Variants in MTUS2 observed in about 807,000 individuals in gnomAD.
The protein encoded by MTUS2 is microtubule associated scaffold protein 2.
A neutral mutation model predicts 114.1 loss-of-function variants in MTUS2; 40 were observed. The observed-to-expected ratio is 0.35, with a 90% CI of 0.27 to 0.46. MTUS2 has a LOEUF of 0.46. Ranked by LOEUF, MTUS2 falls within the 20% of genes least tolerant of loss-of-function variation. MTUS2 has a pLI of 1.00. For synonymous variants in MTUS2, 688 were observed against 672.0 expected, an observed-to-expected ratio of 1.02 and a Z score of -0.37; for missense variants, 1,679 against 1,705.4, an observed-to-expected ratio of 0.98 and a Z score of 0.27.
chr13:28,985,332 C>T (rs976877799), intron 2 of MTUS2, among the ~76,000 whole-genome samples: 1 of 152,154 alleles, frequency 6.6e-6, no homozygotes, highest in Non-Finnish European at 1.5e-5. Flanking sequence ...CAAAAATCCA[C>T]CACAGTGTCA....
intron 5 of MTUS2, among the ~76,000 whole-genome samples, chr13:29,169,739 A>G (rs1232502818): frequency 5.3e-5 from 8 of 151,918 alleles, no homozygotes; most frequent in Non-Finnish European, 1.0e-4. Flanking sequence ...GCGCTTAAGG[A>G]TTTTTCCAGC....
chr13:29,334,817 G>A (rs1900969354), intron 7 of MTUS2, among the ~76,000 whole-genome samples: 1 of 152,166 alleles, frequency 6.6e-6, no homozygotes, highest in South Asian at 2.1e-4. Context: ...CATAAATTGT[G>A]AAGATTTCGT....
At chr13:29,222,247 T>G (rs1333216371) in intron 5 of MTUS2, among the ~76,000 whole-genome samples, 1 of 152,198 alleles carries the variant, frequency 6.6e-6, no homozygotes, top group East Asian at 1.9e-4. Context: ...GAGCTCTCTA[T>G]TCTATTGTAG....
At chr13:29,293,053 G>C (rs996383595) in intron 6 of MTUS2, among the ~76,000 whole-genome samples, 1 of 152,046 alleles carries the variant, frequency 6.6e-6, no homozygotes, top group African/African-American at 2.4e-5. Context: ...AAAATGTGGG[G>C]ATATGGAAAG....
chr13:29,265,857 A>G (rs905689723), intron 5 of MTUS2, among the ~76,000 whole-genome samples: 1 of 152,188 alleles, frequency 6.6e-6, no homozygotes, highest in Admixed American at 6.5e-5. Context: ...CCACCTCCAC[A>G]CTGGGGATTA....
At chr13:29,187,749 C>A (rs1485310777) in intron 5 of MTUS2, among the ~76,000 whole-genome samples, 1 of 152,136 alleles carries the variant, frequency 6.6e-6, no homozygotes, top group Non-Finnish European at 1.5e-5. Flanking sequence ...TTCAGCCAAG[C>A]CTGCTTATCC....
intron 5 of MTUS2, among the ~76,000 whole-genome samples, chr13:29,207,711 G>A (rs1895248746): frequency 6.6e-6 from 1 of 152,054 alleles, no homozygotes; most frequent in African/African-American, 2.4e-5. Context: ...TTCTGTTTAT[G>A]TGGTGTATCA....
At chr13:28,928,903 G>A (rs1242066295) in intron 2 of MTUS2, among the ~76,000 whole-genome samples, 2 of 152,194 alleles carry the variant, frequency 1.3e-5, no homozygotes, top group Non-Finnish European at 2.9e-5. Context: ...CCACAGATAT[G>A]TGTGCGTATG....
chr13:29,279,996 A>G (rs1002456902), intron 5 of MTUS2, among the ~76,000 whole-genome samples: 3 of 152,256 alleles, frequency 2.0e-5, no homozygotes, highest in Admixed American at 6.5e-5. Context: ...TTCTGGCAGT[A>G]TGTCAGCAGG....
At chr13:29,021,957 TGGAGAA>T (rs1450442972) in intron 2 of MTUS2, among the ~76,000 whole-genome samples, 2 of 151,820 alleles carry the variant, frequency 1.3e-5, no homozygotes, top group Admixed American at 1.3e-4. Context: ...TGGTAGAAGA[TGGAGAA>T]GGAGAAAAAG....
intron 6 of MTUS2, among the ~76,000 whole-genome samples, chr13:29,302,993 A>G (rs1157962510): frequency 2.6e-5 from 4 of 152,188 alleles, no homozygotes; most frequent in Non-Finnish European, 5.9e-5. Flanking sequence ...ACTGGTGATA[A>G]CCACATATGG....
At chr13:29,311,044 T>C (rs1293375747) in intron 6 of MTUS2, among the ~76,000 whole-genome samples, 2 of 152,232 alleles carry the variant, frequency 1.3e-5, no homozygotes, top group African/African-American at 4.8e-5. Context: ...TCATTATTTG[T>C]CAATGCAAAT....
chr13:29,178,706 A>G (rs1382219182), intron 5 of MTUS2, among the ~76,000 whole-genome samples: 5 of 152,142 alleles, frequency 3.3e-5, no homozygotes, highest in African/African-American at 4.8e-5. Context: ...TTTTTTCTCA[A>G]TAGAAATGTA....
At chr13:29,383,348 A>G (rs1872385788) in intron 8 of MTUS2, among the ~76,000 whole-genome samples, 1 of 151,872 alleles carries the variant, frequency 6.6e-6, no homozygotes, top group Non-Finnish European at 1.5e-5. Flanking sequence ...TACTAAAGGA[A>G]AAGGAAACAT....
At chr13:28,973,577 A>G (rs932707183) in intron 2 of MTUS2, among the ~76,000 whole-genome samples, 5 of 152,090 alleles carry the variant, frequency 3.3e-5, no homozygotes, top group African/African-American at 1.2e-4. Context: ...GCTCCCTCCT[A>G]TTTTACCACA....
chr13:28,849,932 C>T (rs560590569), intron 2 of MTUS2, among the ~76,000 whole-genome samples: 2 of 152,070 alleles, frequency 1.3e-5, no homozygotes, highest in South Asian at 2.1e-4. Flanking sequence ...CCTCTCTTAC[C>T]CCCTCCAAAT....
chr13:28,878,746 G>A (rs1878113479), intron 2 of MTUS2, among the ~76,000 whole-genome samples: 1 of 152,170 alleles, frequency 6.6e-6, no homozygotes, highest in Non-Finnish European at 1.5e-5. Flanking sequence ...GGGCATTTGG[G>A]TTGATTCCAG....
intron 5 of MTUS2, among the ~76,000 whole-genome samples, chr13:29,159,987 C>G (rs1195169230): frequency 6.6e-6 from 1 of 152,200 alleles, no homozygotes; most frequent in African/African-American, 2.4e-5. Context: ...TGATTGTATT[C>G]CCAGGCATTT....
chr13:29,002,674 A>G (rs1885436318), intron 2 of MTUS2, among the ~76,000 whole-genome samples: 1 of 152,206 alleles, frequency 6.6e-6, no homozygotes, highest in South Asian at 2.1e-4. Context: ...TAATCCCTCC[A>G]TTAGATCGTC....
Sources: gnomAD v4.1 joint callset for allele counts (sites outside exome capture counted in the v4.1 genomes callset) on GRCh38, gnomAD v4.1.1 for gene constraint, MANE v1.5 for transcripts, NCBI Gene and HGNC (gene_info 2026-07-23, HGNC 2026-07-21) for gene names.